VWA8: variants seen among roughly 807,000 people sequenced by gnomAD.
VWA8 encodes the protein von Willebrand factor A domain-containing protein 8.
A neutral mutation model predicts 241.5 loss-of-function variants in VWA8; 221 were observed. The observed-to-expected ratio is 0.91, with a 90% CI of 0.82 to 1.02. VWA8 has a LOEUF of 1.02. Ranked by LOEUF, VWA8 falls within the 50% of genes least tolerant of loss-of-function variation. The pLI is 0.00. For missense variants in VWA8, 2,322 were observed against 2,328.7 expected (o/e 1.00, Z 0.06); for synonymous variants, 852 against 827.1 (o/e 1.03, Z -0.52).
chr13:41,680,058 T>A (rs1217453037), intron 35 of VWA8, among the ~76,000 whole-genome samples: 1 of 151,984 alleles, frequency 6.6e-6, no homozygotes, highest in Non-Finnish European at 1.5e-5. Flanking sequence ...CCCCCAAACA[T>A]TCATATAATT....
At chr13:41,753,338 A>G (rs2045670037) in intron 21 of VWA8, among the ~76,000 whole-genome samples, 1 of 152,164 alleles carries the variant, frequency 6.6e-6, no homozygotes, top group African/African-American at 2.4e-5. Flanking sequence ...GAGCCCTAAA[A>G]TAAGTCTGAC....
At chr13:41,646,240 A>C (rs1191615985) in intron 37 of VWA8, among the ~76,000 whole-genome samples, 1 of 152,116 alleles carries the variant, frequency 6.6e-6, no homozygotes, top group Admixed American at 6.6e-5. Flanking sequence ...TGCTGGGATT[A>C]CAGGTGTGAG....
intron 43 of VWA8, among the ~76,000 whole-genome samples, chr13:41,572,697 C>G (rs1240771038): frequency 1.3e-5 from 2 of 150,668 alleles, no homozygotes; most frequent in African/African-American, 4.9e-5. Context: ...ACCAGAGACC[C>G]TTGTTCACAT....
chr13:41,767,532 A>C (rs1453064516), intron 20 of VWA8, among the ~76,000 whole-genome samples: 1 of 152,238 alleles, frequency 6.6e-6, no homozygotes, highest in Non-Finnish European at 1.5e-5. Context: ...AAATTCTCTC[A>C]ATACATATAC....
intron 42 of VWA8, among the ~76,000 whole-genome samples, chr13:41,578,165 T>C (rs1297144435): frequency 6.6e-6 from 1 of 152,192 alleles, no homozygotes; most frequent in African/African-American, 2.4e-5. Context: ...TTCTTTCTTC[T>C]TTTTTTCCCT....
chr13:41,825,018 T>G (rs1489887929), intron 14 of VWA8, among the ~76,000 whole-genome samples: 1 of 152,026 alleles, frequency 6.6e-6, no homozygotes, highest in Non-Finnish European at 1.5e-5. Context: ...TTAAACAATA[T>G]CTGAAACCTT....
At chr13:41,755,939 C>A (rs891006437) in intron 21 of VWA8, among the ~76,000 whole-genome samples, 2 of 151,274 alleles carry the variant, frequency 1.3e-5, no homozygotes, top group Non-Finnish European at 3.0e-5. Flanking sequence ...CACGTGAAAT[C>A]GAACGAAAAC....
At chr13:41,810,648 G>C (rs1277944926) in intron 17 of VWA8, among the ~76,000 whole-genome samples, 1 of 151,802 alleles carries the variant, frequency 6.6e-6, no homozygotes, top group Non-Finnish European at 1.5e-5. Context: ...ATTGGGGAAG[G>C]GAATGGTTAA....
At chr13:41,954,208 G>T (rs1223600765) in intron 1 of VWA8, among the ~76,000 whole-genome samples, 4 of 150,262 alleles carry the variant, frequency 2.7e-5, no homozygotes, top group East Asian at 3.9e-4. Context: ...TCAGTTAAGG[G>T]TACTCTTCAA....
chr13:41,693,029 T>TA, intron 29 of VWA8, 57 bp from the exon 30 acceptor site: 3 of 1,045,240 alleles, frequency 2.9e-6, no homozygotes, highest in African/African-American at 1.6e-5. Context: ...TTTTTTTTTT[T>TA]AAAGCAGCAA....
At chr13:41,696,681 T>C (rs940183386) in intron 29 of VWA8, among the ~76,000 whole-genome samples, 18 of 152,330 alleles carry the variant, frequency 1.2e-4, no homozygotes, top group African/African-American at 3.8e-4. Flanking sequence ...ACATGAGTAA[T>C]GTAAGCAATC....
chr13:41,945,109 T>TA (rs1433185634), intron 2 of VWA8, among the ~76,000 whole-genome samples: 11 of 152,138 alleles, frequency 7.2e-5, no homozygotes, highest in Admixed American at 6.5e-4. Flanking sequence ...GTAAGCTACC[T>TA]ATGGAGCACT....
At chr13:41,896,034 A>C (rs1011835590) in intron 4 of VWA8, among the ~76,000 whole-genome samples, 4 of 151,974 alleles carry the variant, frequency 2.6e-5, no homozygotes, top group African/African-American at 9.7e-5. Context: ...ATTAGGAGTG[A>C]GTTTAATTTA....
At chr13:41,739,839 G>GTTTTTT (rs1417524214) in intron 21 of VWA8, among the ~76,000 whole-genome samples, 1 of 43,584 alleles carries the variant, frequency 2.3e-5, no homozygotes, top group Non-Finnish European at 4.8e-5. Context: ...TTTTTTTTTT[G>GTTTTTT]TTTTTTTTGT....
chr13:41,683,187 A>C (rs1240106472), intron 35 of VWA8, among the ~76,000 whole-genome samples: 1 of 152,160 alleles, frequency 6.6e-6, no homozygotes, highest in African/African-American at 2.4e-5. Flanking sequence ...AAAAACCAAT[A>C]AATATGTCAC....
intron 21 of VWA8, among the ~76,000 whole-genome samples, chr13:41,745,476 T>C (rs917450467): frequency 1.3e-5 from 2 of 152,094 alleles, no homozygotes; most frequent in Admixed American, 1.3e-4. Context: ...AGGGCTAATA[T>C]CCAGAATCTA....
chr13:41,818,217 C>T (rs1049949279), intron 15 of VWA8, among the ~76,000 whole-genome samples: 4 of 150,346 alleles, frequency 2.7e-5, no homozygotes, highest in Admixed American at 6.6e-5. Flanking sequence ...CCCGCCTTGG[C>T]CTCCCAAAGT....
chr13:41,676,457 T>C (rs2045060736), intron 35 of VWA8, among the ~76,000 whole-genome samples: 1 of 152,194 alleles, frequency 6.6e-6, no homozygotes, highest in Admixed American at 6.5e-5. Flanking sequence ...CTGATATGCA[T>C]GTATGACATT....
At chr13:41,929,149 T>C (rs1876989466) in intron 2 of VWA8, among the ~76,000 whole-genome samples, 1 of 146,744 alleles carries the variant, frequency 6.8e-6, no homozygotes, top group African/African-American at 2.6e-5. Context: ...TTCTTGACTT[T>C]AATTTTTTTT....
Sources: gnomAD v4.1 joint callset for allele counts (sites outside exome capture counted in the v4.1 genomes callset) on GRCh38, gnomAD v4.1.1 for gene constraint, MANE v1.5 for transcripts, NCBI Gene and HGNC (gene_info 2026-07-23, HGNC 2026-07-21) for gene names.